The following CAMTA1 variants were observed in gnomAD, a reference collection of about 807,000 sequenced individuals.
The protein encoded by CAMTA1 is calmodulin binding transcription activator 1, also known as calmodulin-binding transcription activator 1.
A neutral mutation model predicts 170.9 loss-of-function variants in CAMTA1; 27 were observed. The observed-to-expected ratio is 0.16, with a 90% CI of 0.12 to 0.22. The LOEUF is 0.22. CAMTA1 is among the 10% of genes least tolerant of loss of function. CAMTA1 has a pLI of 1.00. For synonymous variants in CAMTA1, 833 were observed against 891.5 expected (o/e 0.93, Z 1.17); for missense variants, 1,619 against 2,217.2 (o/e 0.73, Z 5.42).
intron 4 of CAMTA1, among the ~76,000 whole-genome samples, chr1:7,123,433 C>G (rs1208603681): frequency 6.6e-6 from 1 of 152,128 alleles, no homozygotes; most frequent in Non-Finnish European, 1.5e-5. Context: ...TTCTCAATGT[C>G]CCATTCACAG....
intron 3 of CAMTA1, among the ~76,000 whole-genome samples, chr1:6,842,666 AATCCCAG>A (rs1656329556): frequency 6.6e-6 from 1 of 152,164 alleles, no homozygotes; most frequent in South Asian, 2.1e-4. Flanking sequence ...CATACCTGTA[AATCCCAG>A]CACTTTGGGA....
chr1:6,865,116 A>G (rs906005430), intron 3 of CAMTA1, among the ~76,000 whole-genome samples: 2 of 152,090 alleles, frequency 1.3e-5, no homozygotes, highest in East Asian at 1.9e-4. Context: ...GAATGGGTGG[A>G]TTTTATCTTT....
chr1:7,570,898 C>T lies in CAMTA1; in HGVS notation c.511-69502C>T, dbSNP rs1464365764. ...GAACCAGCTGGGTGATGTCAGGAGGCTCCTTAACCACTCTGAGCCTCAGTT... is the reference window on the plus strand; with the variant it reads ...GAACCAGCTGGGTGATGTCAGGAGGTTCCTTAACCACTCTGAGCCTCAGTT... On this transcript the variant is annotated intron_variant, in intron 6 of 22. Transcript: ENST00000303635. This position sits in a 1 kb window ranked among gnomAD's most constrained non-coding sequence, Gnocchi z 4.3. 6.6e-6 allele frequency among the ~76,000 whole-genome samples: 1 copy of T among 152,208 alleles called. No homozygotes were observed. The highest frequency in any genetic ancestry group is 2.4e-5 in the African/African-American group (1 of 41,448).
intron 11 of CAMTA1, among the ~76,000 whole-genome samples, chr1:7,678,993 C>T (rs1387510500): frequency 2.0e-5 from 3 of 152,192 alleles, no homozygotes; most frequent in Admixed American, 2.0e-4. Context: ...CGACAGCTGC[C>T]CTGGCTGGTG....
rs1488495990 is a variant in CAMTA1 at position 7,146,283 on chromosome 1, C to T, written c.302+54912C>T. 2.0e-5 allele frequency among the ~76,000 whole-genome samples: 3 copies of T among 152,102 alleles called. No homozygotes were observed. Among genetic ancestry groups the T allele is most frequent in the African/African-American group, 7.2e-5 (3 of 41,432 alleles). Reference sequence around the variant, plus strand: ...TGCCTGCTCATGAGCCAGTCTCCCTCTTGGCTTATGTAGATCAACCAGAGC... The same window carrying T: ...TGCCTGCTCATGAGCCAGTCTCCCTTTTGGCTTATGTAGATCAACCAGAGC... On this transcript the variant is annotated intron_variant, in intron 4 of 22. Coordinates refer to ENST00000303635, the MANE Select transcript of CAMTA1 (RefSeq NM_015215.4). The surrounding 1 kb of genome is among the most constrained non-coding windows in gnomAD (Gnocchi z 4.3).
chr1:7,564,669 A>G (rs993238020), intron 6 of CAMTA1, among the ~76,000 whole-genome samples: 2 of 151,992 alleles, frequency 1.3e-5, no homozygotes, highest in African/African-American at 2.4e-5. Flanking sequence ...ACCCCCAGAC[A>G]TGGTTGTCGT....
At chr1:7,233,361 C>T (rs985033154) in intron 4 of CAMTA1, among the ~76,000 whole-genome samples, 3 of 152,116 alleles carry the variant, frequency 2.0e-5, no homozygotes, top group African/African-American at 7.2e-5. Flanking sequence ...CATCACTGTG[C>T]TGGGATGGGG....
intron 6 of CAMTA1, among the ~76,000 whole-genome samples, chr1:7,569,458 C>T (rs546534609): frequency 6.6e-6 from 1 of 151,076 alleles, no homozygotes; most frequent in East Asian, 2.0e-4. Flanking sequence ...ATCACCACCA[C>T]TATCAGTATC....
At chr1:7,615,595 C>A (rs925755656) in intron 6 of CAMTA1, among the ~76,000 whole-genome samples, 3 of 152,242 alleles carry the variant, frequency 2.0e-5, no homozygotes, top group African/African-American at 7.2e-5. Flanking sequence ...AAGACTGTTG[C>A]CACTTGTACA....
rs574833985 is a variant in CAMTA1 at position 7,284,326 on chromosome 1, C to T, written c.438+34700C>T. Among the ~76,000 whole-genome samples, 582 of 151,940 alleles carry T rather than the reference C, an allele frequency of 3.8e-3. 2 individuals are homozygous for T. The highest frequency in any genetic ancestry group is 0.013 in the African/African-American group (546 of 41,430). On this transcript the variant is annotated intron_variant, in intron 5 of 22. Transcript: ENST00000303635. ...TCAAGCAATTCTCCTGCCTCAGCCT[C>T]CCCAGTAGCTGAGACTACAGGCCCG...
At chr1:7,493,358 T>C (rs1159079322) in intron 6 of CAMTA1, among the ~76,000 whole-genome samples, 1 of 111,386 alleles carries the variant, frequency 9.0e-6, no homozygotes, top group Admixed American at 9.1e-5. Context: ...AACACAAACA[T>C]ACAAACACAC....
chr1:6,876,720 C>T (rs754636422), intron 3 of CAMTA1, among the ~76,000 whole-genome samples: 2 of 152,064 alleles, frequency 1.3e-5, no homozygotes, highest in African/African-American at 2.4e-5. Flanking sequence ...AGGTACTGCC[C>T]GTCATTAGCT....
At chr1:7,167,411 G>T (rs1183706817) in intron 4 of CAMTA1, among the ~76,000 whole-genome samples, 1 of 152,032 alleles carries the variant, frequency 6.6e-6, no homozygotes. Context: ...GCGTAGATCT[G>T]TTTCTGGGCC....
chr1:7,280,780 G>T (rs779313157), intron 5 of CAMTA1, among the ~76,000 whole-genome samples: 1 of 152,164 alleles, frequency 6.6e-6, no homozygotes, highest in South Asian at 2.1e-4. Context: ...TATTTCAAAA[G>T]GTTCTCCATG....
chr1:6,835,725 T>G (rs1472887001), intron 3 of CAMTA1, among the ~76,000 whole-genome samples: 1 of 152,242 alleles, frequency 6.6e-6, no homozygotes, highest in Non-Finnish European at 1.5e-5. Context: ...CATGTTTTGG[T>G]GTGCTTTGGC....
At chr1:7,022,420 T>C (rs1446644774) in intron 3 of CAMTA1, among the ~76,000 whole-genome samples, 1 of 152,192 alleles carries the variant, frequency 6.6e-6, no homozygotes, top group Non-Finnish European at 1.5e-5. Context: ...CAAGAGGCTA[T>C]GAGGAGTGAG....
chr1:7,415,121 A>C (rs887286601), intron 5 of CAMTA1, among the ~76,000 whole-genome samples: 2 of 152,068 alleles, frequency 1.3e-5, no homozygotes, highest in African/African-American at 4.8e-5. Flanking sequence ...GTGGTCTGAG[A>C]GACAGTTTGT....
At chr1:6,854,394 A>G (rs1661509322) in intron 3 of CAMTA1, among the ~76,000 whole-genome samples, 1 of 152,228 alleles carries the variant, frequency 6.6e-6, no homozygotes, top group African/African-American at 2.4e-5. Context: ...TTTTGTAAGT[A>G]CATCTTTGTG....
intron 6 of CAMTA1, among the ~76,000 whole-genome samples, chr1:7,603,167 G>T (rs2095460213): frequency 6.6e-6 from 1 of 152,206 alleles, no homozygotes; most frequent in Non-Finnish European, 1.5e-5. Context: ...CTGTTGATTT[G>T]GGGTGGAGAG....
Sources: allele counts gnomAD v4.1 joint callset (sites outside exome capture counted in the v4.1 genomes callset), GRCh38; gene constraint gnomAD v4.1.1; non-coding constraint Gnocchi (gnomAD v3.1); transcripts MANE v1.5; gene names NCBI Gene and HGNC (gene_info 2026-07-23, HGNC 2026-07-21).